Variants in FAM216A observed in about 807,000 individuals in gnomAD.
FAM216A encodes protein FAM216A.
A neutral mutation model predicts 37.6 loss-of-function variants in FAM216A; 26 were observed. The observed-to-expected ratio is 0.69, with a 90% confidence interval of 0.51 to 0.96. The LOEUF (loss-of-function observed/expected upper bound fraction) is 0.96. Ranked by LOEUF, FAM216A falls within the 40% of genes least tolerant of loss-of-function variation. The pLI is 0.00. For missense variants in FAM216A, 326 were observed against 339.3 expected (o/e 0.96, Z 0.31); for synonymous variants, 110 against 121.7 (o/e 0.90, Z 0.64).
chr12:110,482,658 A>ATG (rs1555203648), intron 2 of FAM216A, among the ~76,000 whole-genome samples: 2 of 150,922 alleles, frequency 1.3e-5, no homozygotes, highest in Non-Finnish European at 3.0e-5. Context: ...AGCCGGGCGC[A>ATG]GTGGCGGGCG....
chr12:110,468,792 G>A, upstream of FAM216A: 2 of 1,455,020 alleles, frequency 1.4e-6, no homozygotes, highest in Non-Finnish European at 1.8e-6. Context: ...GTGTCCGAAC[G>A]GCTTCGGAGG....
intron 2 of FAM216A, among the ~76,000 whole-genome samples, chr12:110,481,126 T>G (rs1448467411): frequency 6.6e-6 from 1 of 152,196 alleles, no homozygotes; most frequent in Non-Finnish European, 1.5e-5. Context: ...TAAATAATAT[T>G]CCATTGTTTG....
At chr12:110,488,427 A>G (rs1021176501) in intron 6 of FAM216A, among the ~76,000 whole-genome samples, 1 of 150,802 alleles carries the variant, frequency 6.6e-6, no homozygotes, top group Non-Finnish European at 1.5e-5. Flanking sequence ...AAAAAAAAAA[A>G]GAAAAGAAAA....
intron 5 of FAM216A, chr12:110,487,531 A>T (rs930860701): frequency 1.8e-5 from 4 of 224,058 alleles, no homozygotes; most frequent in African/African-American, 9.3e-5. Context: ...TCTTTATCAG[A>T]TAGAGTTATG....
chr12:110,479,300 T>C (rs527881803), intron 2 of FAM216A, among the ~76,000 whole-genome samples: 1 of 152,120 alleles, frequency 6.6e-6, no homozygotes, highest in African/African-American at 2.4e-5. Flanking sequence ...GAAAGAAATG[T>C]GTGTGCATTT....
At chr12:110,476,203 G>GTT (rs59041502) in intron 2 of FAM216A, among the ~76,000 whole-genome samples, 16 of 142,178 alleles carry the variant, frequency 1.1e-4, no homozygotes, top group Non-Finnish European at 1.5e-4. Context: ...AGTTGTCAAT[G>GTT]TTTTTTTTTT....
chr12:110,480,312 T>A (rs1293676510), intron 2 of FAM216A, among the ~76,000 whole-genome samples: 1 of 146,566 alleles, frequency 6.8e-6, no homozygotes, highest in Non-Finnish European at 1.5e-5. Flanking sequence ...CACGCCATTC[T>A]CCTGCCTCAG....
chr12:110,484,602 T>C (rs998918312), intron 2 of FAM216A, among the ~76,000 whole-genome samples: 3 of 151,890 alleles, frequency 2.0e-5, no homozygotes, highest in Admixed American at 2.0e-4. Context: ...TAATGTATTA[T>C]ATATAAATAA....
chr12:110,474,818 A>G (rs1352671507), intron 2 of FAM216A, among the ~76,000 whole-genome samples: 1 of 151,822 alleles, frequency 6.6e-6, no homozygotes, highest in African/African-American at 2.4e-5. Flanking sequence ...CCTGACCAAC[A>G]TAGAGAAACC....
At chr12:110,487,617 G>T (rs1245176935) in intron 5 of FAM216A, 1 of 388,090 alleles carries the variant, frequency 2.6e-6, no homozygotes. Context: ...GAAGAATATG[G>T]TTGGTTATGC....
rs545732250 is a variant in FAM216A, at chr12:110,486,678, T to G, written c.581T>G (p.Ile194Arg). ...GCTGCATCTGCACCTGAAATGCTCA[T>G]ACAGCATTCCCTTTGGCGGCCAGTG... ...IAAASAPEML[I>R]QHSLWRPVRN... The change falls in exon 5 of 7, where the codon ATA (isoleucine) becomes AGA (arginine). Residue 194 changes from isoleucine (I) to arginine (R), a missense_variant. Physicochemically the swap from Ile to Arg is moderately conservative, Grantham distance 97. Transcript: ENST00000377673. The G allele has an allele frequency of 3.1e-6, 5 of 1,614,006 alleles. No homozygotes were observed. In the Admixed American group the frequency reaches 8.3e-5, roughly 27 times the overall value.
chr12:110,485,330 G>T (rs1173568286), intron 3 of FAM216A, 131 bp downstream of exon 3: 11 of 666,138 alleles, frequency 1.7e-5, no homozygotes, highest in East Asian at 1.1e-4. Context: ...TTGTCTAGGA[G>T]TCAATAAATA....
At chr12:110,488,068 T>C (rs555394487) in intron 6 of FAM216A, 125 bp downstream of exon 6, 18 of 653,856 alleles carry the variant, frequency 2.8e-5, no homozygotes, top group Non-Finnish European at 4.2e-5. Flanking sequence ...GCTTTTATTG[T>C]CACAAATAAA....
At chr12:110,484,892 G>C (rs1340595028) in intron 2 of FAM216A, among the ~76,000 whole-genome samples, 186 bp from the exon 3 acceptor site, 1 of 151,988 alleles carries the variant, frequency 6.6e-6, no homozygotes, top group South Asian at 2.1e-4. Flanking sequence ...AGTAGAGACA[G>C]GGTTTCACCG....
intron 2 of FAM216A, among the ~76,000 whole-genome samples, chr12:110,482,562 G>A (rs1186742792): frequency 1.3e-5 from 2 of 151,076 alleles, no homozygotes; most frequent in East Asian, 4.0e-4. Context: ...TTGGGAGGCT[G>A]AGGCGGTCAG....
chr12:110,484,151 G>A (rs1334775320), intron 2 of FAM216A, among the ~76,000 whole-genome samples: 6 of 151,680 alleles, frequency 4.0e-5, no homozygotes, highest in African/African-American at 1.5e-4. Flanking sequence ...AAGTTAGGCC[G>A]GGCGCCGTGG....
At chr12:110,472,509 T>C (rs542678042) in intron 1 of FAM216A, among the ~76,000 whole-genome samples, 1 of 151,926 alleles carries the variant, frequency 6.6e-6, no homozygotes, top group Non-Finnish European at 1.5e-5. Flanking sequence ...CGGTGGGCTA[T>C]GATCACGACA....
rs561337510 is a variant in FAM216A at position 110,470,540 on chromosome 12, C to T, written c.143+1522C>T. On this transcript the variant is annotated intron_variant, in intron 1 of 6. Transcript: ENST00000377673. ...TCACCCAGGCTGGAGTGCAGTGTCACGATCTCAGCTAACTGCAACCTCCGC... is the reference window on the plus strand; with the variant it reads ...TCACCCAGGCTGGAGTGCAGTGTCATGATCTCAGCTAACTGCAACCTCCGC... Among the ~76,000 whole-genome samples, 405 of 150,490 alleles carry T rather than the reference C, an allele frequency of 2.7e-3. 4 individuals are homozygous for T. Among genetic ancestry groups the T allele is most frequent in the African/African-American group, 9.2e-3 (374 of 40,808 alleles).
At chr12:110,479,167 A>T (rs1181705269) in intron 2 of FAM216A, among the ~76,000 whole-genome samples, 1 of 151,780 alleles carries the variant, frequency 6.6e-6, no homozygotes. Flanking sequence ...CTGTCTCAAA[A>T]AAAAAAAAAA....
Sources: allele counts gnomAD v4.1 joint callset (sites outside exome capture counted in the v4.1 genomes callset), GRCh38; gene constraint gnomAD v4.1.1; transcripts MANE v1.5; gene names NCBI Gene and HGNC (gene_info 2026-07-23, HGNC 2026-07-21).